STARD13: variants seen among roughly 807,000 people sequenced by gnomAD.
STARD13 encodes StAR related lipid transfer domain containing 13, also known as stAR-related lipid transfer protein 13.
In STARD13, 62 loss-of-function variants were observed where a neutral mutation model predicts 106.4. The observed-to-expected ratio is 0.58, with a 90% CI of 0.48 to 0.72. The LOEUF (loss-of-function observed/expected upper bound fraction) is 0.72. STARD13 is among the 30% of genes least tolerant of loss of function. STARD13 has a pLI of 0.00. For missense variants in STARD13, 1,387 were observed against 1,424.0 expected (o/e 0.97, Z 0.42); for synonymous variants, 565 against 553.0 (o/e 1.02, Z -0.31).
chr13:33,152,416 C>CAAAA (rs34146261), intron 3 of STARD13, among the ~76,000 whole-genome samples: 4 of 138,178 alleles, frequency 2.9e-5, no homozygotes, highest in African/African-American at 8.1e-5. Flanking sequence ...TTCAGTCATA[C>CAAAA]AAAAAAAAAA....
the STARD13 span, among the ~76,000 whole-genome samples, chr13:33,379,585 C>T: frequency 1.4e-4 from 22 of 152,256 alleles, no homozygotes; most frequent in East Asian, 4.1e-3. Context: ...ATGAGAAAGA[C>T]ACTTTGTATA....
At chr13:33,342,182 AC>A (rs1287254708) in intron 1 of STARD13, among the ~76,000 whole-genome samples, 3 of 152,202 alleles carry the variant, frequency 2.0e-5, no homozygotes, top group African/African-American at 7.2e-5. Context: ...GCAAAGCATA[AC>A]CCTTAAAGGT....
chr13:33,413,756 G>A, the STARD13 span, among the ~76,000 whole-genome samples: 1 of 152,190 alleles, frequency 6.6e-6, no homozygotes, highest in Non-Finnish European at 1.5e-5. Flanking sequence ...ATGAGGCCAG[G>A]TGCGGTGGCT....
chr13:33,349,231 G>C, intron 1 of STARD13: 1 of 702,368 alleles, frequency 1.4e-6, no homozygotes, highest in Non-Finnish European at 2.6e-6. Context: ...AGAGGACACA[G>C]AGGCAACAAG....
chr13:33,134,151 A>G (rs1304454822), intron 4 of STARD13, among the ~76,000 whole-genome samples: 1 of 152,234 alleles, frequency 6.6e-6, no homozygotes, highest in East Asian at 1.9e-4. Context: ...CGTTGTGGAC[A>G]ATATGGCTCA....
chr13:33,365,542 C>T, the STARD13 span, among the ~76,000 whole-genome samples: 322 of 152,274 alleles, frequency 2.1e-3, 1 homozygote, highest in African/African-American at 7.5e-3. Context: ...TGAGATTTCC[C>T]TCCTTGACCC....
chr13:33,408,193 A>T, the STARD13 span, among the ~76,000 whole-genome samples: 37 of 152,254 alleles, frequency 2.4e-4, no homozygotes, highest in East Asian at 7.0e-3. Flanking sequence ...CGTCGTAATC[A>T]TTTCAAGGGT....
At chr13:33,251,739 C>T (rs1890103772) in intron 1 of STARD13, among the ~76,000 whole-genome samples, 1 of 152,110 alleles carries the variant, frequency 6.6e-6, no homozygotes, top group African/African-American at 2.4e-5. Flanking sequence ...TTAGTTCCTC[C>T]CTTGATGGTA....
At chr13:33,503,547 C>T in the STARD13 span, among the ~76,000 whole-genome samples, 5 of 152,192 alleles carry the variant, frequency 3.3e-5, no homozygotes, top group Non-Finnish European at 5.9e-5. Flanking sequence ...CTACACACTG[C>T]TTTAAATATG....
At chr13:33,165,851 T>G (rs919659574) in intron 2 of STARD13, among the ~76,000 whole-genome samples, 1 of 152,222 alleles carries the variant, frequency 6.6e-6, no homozygotes, top group Non-Finnish European at 1.5e-5. Context: ...CAAAGTTCTA[T>G]CATCTGAAAT....
chr13:33,393,934 A>G, the STARD13 span, among the ~76,000 whole-genome samples: 3 of 152,292 alleles, frequency 2.0e-5, no homozygotes, highest in Admixed American at 1.3e-4. Context: ...CTTGTCTAGC[A>G]TTTTACCGAG....
chr13:33,493,947 G>A, the STARD13 span, among the ~76,000 whole-genome samples: 8 of 151,580 alleles, frequency 5.3e-5, no homozygotes, highest in Middle Eastern at 3.4e-3. Context: ...TGATGAGACC[G>A]TAAACGACTT....
chr13:33,147,424 A>T (rs905199596), intron 3 of STARD13, among the ~76,000 whole-genome samples: 4 of 152,322 alleles, frequency 2.6e-5, no homozygotes, highest in East Asian at 1.9e-4. Flanking sequence ...GCCATATTGT[A>T]ACATGCACAA....
chr13:33,377,914 A>T, the STARD13 span, among the ~76,000 whole-genome samples: 1 of 152,308 alleles, frequency 6.6e-6, no homozygotes, highest in Non-Finnish European at 1.5e-5. Context: ...CTAAAAACCA[A>T]ATGAACAAGG....
At chr13:33,325,589 G>A (rs565738638) in intron 1 of STARD13, among the ~76,000 whole-genome samples, 1 of 152,084 alleles carries the variant, frequency 6.6e-6, no homozygotes, top group South Asian at 2.1e-4. Flanking sequence ...CTCCAAAGGC[G>A]AAGAAAAGAT....
chr13:33,162,756 AT>A (rs71071082), intron 3 of STARD13, among the ~76,000 whole-genome samples: 147,062 of 150,760 alleles, frequency 0.98, 71,748 homozygotes, highest in East Asian at 1. Context: ...CACTATCAGC[AT>A]TTTTTTTTTT....
chr13:33,110,150 T>C, intron 11 of STARD13, 60 bp from the exon 12 acceptor site: 1 of 1,505,288 alleles, frequency 6.6e-7, no homozygotes, highest in South Asian at 1.2e-5. Flanking sequence ...CCAACATTTT[T>C]TGTTTGGGCT....
chr13:33,409,686 A>T, the STARD13 span, among the ~76,000 whole-genome samples: 1 of 152,204 alleles, frequency 6.6e-6, no homozygotes, highest in Non-Finnish European at 1.5e-5. Context: ...CTTGGATATT[A>T]TGTTCAGAAC....
the STARD13 span, among the ~76,000 whole-genome samples, chr13:33,478,750 T>C: frequency 6.6e-6 from 1 of 152,064 alleles, no homozygotes; most frequent in Non-Finnish European, 1.5e-5. Context: ...ACCTCATCTC[T>C]ACAAAAAATA....
Sources: gnomAD v4.1 joint callset for allele counts (sites outside exome capture counted in the v4.1 genomes callset) on GRCh38, gnomAD v4.1.1 for gene constraint, MANE v1.5 for transcripts, NCBI Gene and HGNC (gene_info 2026-07-23, HGNC 2026-07-21) for gene names.